B3GALT1: variants seen among roughly 807,000 people sequenced by gnomAD.
The protein encoded by B3GALT1 is beta-1,3-galactosyltransferase 1.
B3GALT1 carries 10 observed loss-of-function variants against 23.2 expected under a neutral mutation model. The ratio of observed to expected loss-of-function variants is 0.43; its 90% confidence interval spans 0.27 to 0.73. The LOEUF (loss-of-function observed/expected upper bound fraction) is 0.73, where lower values mean the gene tolerates loss of function less well. Among genes scored for constraint, B3GALT1 ranks in the 30% least tolerant of loss-of-function variants. The pLI is 0.21. For missense variants in B3GALT1, 299 were observed against 405.4 expected, an observed-to-expected ratio of 0.74 and a Z score of 2.25; for synonymous variants, 156 against 141.5, an observed-to-expected ratio of 1.10 and a Z score of -0.73.
intron 3 of B3GALT1, among the ~76,000 whole-genome samples, chr2:167,804,137 G>GC (rs1688697910): frequency 6.6e-6 from 1 of 151,876 alleles, no homozygotes; most frequent in African/African-American, 2.4e-5. Flanking sequence ...TTACAGGTGG[G>GC]CACCACCACG....
At chr2:167,624,300 C>G (rs1329852955) in intron 2 of B3GALT1, among the ~76,000 whole-genome samples, 1 of 151,938 alleles carries the variant, frequency 6.6e-6, no homozygotes, top group African/African-American at 2.4e-5. Context: ...GATTGAAATC[C>G]CTCATAAGCA....
chr2:167,657,471 C>T (rs184146778), intron 3 of B3GALT1, among the ~76,000 whole-genome samples: 202 of 152,158 alleles, frequency 1.3e-3, no homozygotes, highest in African/African-American at 4.8e-3. Context: ...CCCCACAGTA[C>T]AGAGGGAACA....
chr2:167,553,902 T>A (rs747702638), intron 2 of B3GALT1, among the ~76,000 whole-genome samples: 2 of 152,124 alleles, frequency 1.3e-5, no homozygotes, highest in Non-Finnish European at 2.9e-5. Context: ...AGGACAGAAA[T>A]GAGAGGCATA....
Position 167,869,713 on chromosome 2 carries a change from A to G in B3GALT1, c.674A>G (p.Asp225Gly), listed in dbSNP as rs1456968525. ...DVRSKWYMPR[D>G]LYPDSNYPPF... ...CGCAGTAAGTGGTATATGCCCAGGGATTTGTACCCAGACAGTAACTACCCA... is the reference window on the plus strand; with the variant it reads ...CGCAGTAAGTGGTATATGCCCAGGGGTTTGTACCCAGACAGTAACTACCCA... The change falls in exon 5 of 5, where the codon GAT becomes GGT. Residue 225 changes from aspartate (D) to glycine (G), a missense_variant. Around this residue, in one of 3 missense-constraint regions of B3GALT1, gnomAD observed 133 missense variants for 204.8 expected, o/e 0.65. Coordinates refer to ENST00000392690, the MANE Select transcript of B3GALT1 (RefSeq NM_020981.4). This position sits in a 1 kb window ranked among gnomAD's most constrained non-coding sequence, Gnocchi z 6.4. 1.2e-6 allele frequency: 2 copies of G among 1,614,022 alleles called. No homozygotes were observed. Among genetic ancestry groups the G allele is most frequent in the African/African-American group, 1.3e-5 (1 of 74,908 alleles).
intron 3 of B3GALT1, among the ~76,000 whole-genome samples, chr2:167,765,255 G>A (rs1558972035): frequency 6.6e-6 from 1 of 152,128 alleles, no homozygotes; most frequent in Non-Finnish European, 1.5e-5. Flanking sequence ...CTGTTTATAT[G>A]GATGGATGGA....
intron 1 of B3GALT1, among the ~76,000 whole-genome samples, chr2:167,451,700 A>G (rs1699094283): frequency 6.6e-6 from 1 of 152,164 alleles, no homozygotes; most frequent in South Asian, 2.1e-4. Context: ...TTTCAGGAGA[A>G]CATCAGCTGA....
chr2:167,622,630 C>A, intron 2 of B3GALT1, among the ~76,000 whole-genome samples: 1 of 152,076 alleles, frequency 6.6e-6, no homozygotes, highest in Non-Finnish European at 1.5e-5. Flanking sequence ...TTTCATACTT[C>A]ATCATGTGTA....
chr2:167,378,498 T>C (rs1438773404), intron 1 of B3GALT1, among the ~76,000 whole-genome samples: 2 of 152,152 alleles, frequency 1.3e-5, no homozygotes, highest in Non-Finnish European at 2.9e-5. Flanking sequence ...ACCATATTTC[T>C]TAAAGGCCTT....
intron 2 of B3GALT1, among the ~76,000 whole-genome samples, chr2:167,636,154 G>A (rs73015440): frequency 0.016 from 2,389 of 152,048 alleles, 85 homozygotes; most frequent in African/African-American, 0.055. Context: ...AAGCAACTTT[G>A]TCAGCAGCTG....
rs187411883 is a variant in B3GALT1, at chr2:167,712,801, A to G, written c.-352+65835A>G. Among the ~76,000 whole-genome samples, 3 of 152,288 alleles carry G rather than the reference A, an allele frequency of 2.0e-5. No individual in the cohort carries two copies. The East Asian group carries it at 5.8e-4, about 29-fold the overall frequency. ...ATCTGTTAGGGCTATCTCCATTTTA[A>G]GCACTAGGAAAAAGTGTTGCTTCCT... On this transcript the variant is annotated intron_variant, in intron 3 of 4. Coordinates refer to ENST00000392690, the MANE Select transcript of B3GALT1 (RefSeq NM_020981.4).
At chr2:167,559,193 C>T (rs1055618436) in intron 2 of B3GALT1, among the ~76,000 whole-genome samples, 3 of 152,188 alleles carry the variant, frequency 2.0e-5, no homozygotes, top group African/African-American at 7.2e-5. Context: ...GATACCCAGG[C>T]AAACATGGTC....
At chr2:167,782,446 A>AATGTCAG (rs1372731714) in intron 3 of B3GALT1, among the ~76,000 whole-genome samples, 1 of 152,294 alleles carries the variant, frequency 6.6e-6, no homozygotes, top group African/African-American at 2.4e-5. Flanking sequence ...CACCTCAAGA[A>AATGTCAG]ATGTCAGCAT....
chr2:167,627,286 T>C (rs1351583510), intron 2 of B3GALT1, among the ~76,000 whole-genome samples: 1 of 151,764 alleles, frequency 6.6e-6, no homozygotes, highest in East Asian at 1.9e-4. Context: ...TCCATTACAC[T>C]GAAAAGTTTT....
At chr2:167,782,149 C>T (rs1209054190) in intron 3 of B3GALT1, among the ~76,000 whole-genome samples, 1 of 152,180 alleles carries the variant, frequency 6.6e-6, no homozygotes, top group Non-Finnish European at 1.5e-5. Flanking sequence ...AAGTCTCACA[C>T]TGTGTCCAGG....
intron 2 of B3GALT1, among the ~76,000 whole-genome samples, chr2:167,505,157 A>G (rs529970751): frequency 1.3e-5 from 2 of 152,326 alleles, no homozygotes; most frequent in East Asian, 3.9e-4. Flanking sequence ...AAGATTACAC[A>G]ATGGGCTGGT....
chr2:167,601,395 C>A (rs559723764), intron 2 of B3GALT1, among the ~76,000 whole-genome samples: 1 of 152,304 alleles, frequency 6.6e-6, no homozygotes, highest in African/African-American at 2.4e-5. Context: ...AGATTACATT[C>A]CCTCTTTGCC....
chr2:167,853,680 G>C (rs1689947059), intron 4 of B3GALT1, among the ~76,000 whole-genome samples: 1 of 152,142 alleles, frequency 6.6e-6, no homozygotes, highest in African/African-American at 2.4e-5. Flanking sequence ...CAAGTTGTCA[G>C]CATGTCTCCA....
chr2:167,506,078 C>A (rs1203412357), intron 2 of B3GALT1, among the ~76,000 whole-genome samples: 1 of 151,938 alleles, frequency 6.6e-6, no homozygotes, highest in Non-Finnish European at 1.5e-5. Context: ...GACAGAGATA[C>A]TAATTCTGTT....
At chr2:167,490,076 T>G (rs995263969) in intron 1 of B3GALT1, 101 bp from the exon 2 acceptor site, 2 of 152,306 alleles carry the variant, frequency 1.3e-5, no homozygotes, top group East Asian at 3.9e-4. Context: ...ATGTGGAAAT[T>G]TTATGAACTG....
Sources: gnomAD v4.1 joint callset for allele counts (sites outside exome capture counted in the v4.1 genomes callset) on GRCh38, gnomAD v4.1.1 for gene constraint, gnomAD v4.1.1 regional missense constraint, Gnocchi (gnomAD v3.1) non-coding constraint, MANE v1.5 for transcripts, NCBI Gene and HGNC (gene_info 2026-07-23, HGNC 2026-07-21) for gene names.